ANKS1B: variants seen among roughly 807,000 people sequenced by gnomAD.
ANKS1B encodes ankyrin repeat and sterile alpha motif domain-containing protein 1B.
Under a neutral mutation model 148.3 loss-of-function variants are expected in ANKS1B, and 36 were observed. The observed-to-expected ratio is 0.24, with a 90% confidence interval of 0.19 to 0.32. The LOEUF is 0.32. Ranked by LOEUF, ANKS1B falls within the 10% of genes least tolerant of loss-of-function variation. The pLI is 1.00. For missense variants in ANKS1B, 1,157 were observed against 1,542.6 expected (o/e 0.75, Z 4.19); for synonymous variants, 542 against 560.8 (o/e 0.97, Z 0.47).
chr12:99,342,076 G>A (rs1298805705), intron 12 of ANKS1B, among the ~76,000 whole-genome samples: 1 of 152,014 alleles, frequency 6.6e-6, no homozygotes, highest in African/African-American at 2.4e-5. Context: ...CTCTTCTAGA[G>A]ACCTAGGAAT....
Position 98,894,637 on chromosome 12 carries a change from G to A in ANKS1B, c.2779-62501C>T, listed in dbSNP as rs1465502801. On this transcript the variant is annotated intron_variant, in intron 17 of 26. Coordinates refer to ENST00000683438, the MANE Select transcript of ANKS1B (RefSeq NM_001352186.2). The stretch of plus-strand genomic sequence containing the variant: ...CGCTGTGCCGCTACTCACCCGAGCC[G>A]CTCGGGCTGGCCGCGAGCCGGGATC... The A allele has an allele frequency of 1.8e-5, 18 of 985,092 alleles. No homozygotes were observed. The East Asian group carries it at 1.1e-3, about 63-fold the overall frequency. 61.0% of individuals were successfully genotyped at this position (985,092 alleles called of 1,614,324 possible).
chr12:99,859,241 G>A (rs1259505186), intron 1 of ANKS1B, among the ~76,000 whole-genome samples: 2 of 152,228 alleles, frequency 1.3e-5, no homozygotes, highest in East Asian at 3.8e-4. Flanking sequence ...GGCTGTTGCA[G>A]AGTTATATGT....
intron 9 of ANKS1B, among the ~76,000 whole-genome samples, chr12:99,519,248 G>A (rs978781025): frequency 3.3e-5 from 5 of 152,070 alleles, no homozygotes; most frequent in African/African-American, 9.7e-5. Context: ...TTGATGTATA[G>A]TATAGATTAA....
intron 1 of ANKS1B, among the ~76,000 whole-genome samples, chr12:99,961,734 T>C (rs1016115044): frequency 3.9e-5 from 6 of 152,144 alleles, no homozygotes; most frequent in Non-Finnish European, 7.3e-5. Context: ...GTGGAGAAAA[T>C]AGGTATCTAT....
At chr12:99,435,568 A>T (rs1429617967) in intron 11 of ANKS1B, among the ~76,000 whole-genome samples, 1 of 152,028 alleles carries the variant, frequency 6.6e-6, no homozygotes, top group Non-Finnish European at 1.5e-5. Flanking sequence ...AGGGCTTTAC[A>T]ATGTACACAG....
At position 99,629,330 on chromosome 12, in the gene ANKS1B, G is replaced by T. The variant is rs543755726; in HGVS notation, c.1272+25737C>A. Among the ~76,000 whole-genome samples, 46 of 152,188 alleles carry T rather than the reference G, an allele frequency of 3.0e-4. 1 individual carries two copies. In the South Asian group the frequency reaches 9.3e-3, roughly 31 times the overall value. On this transcript the variant is annotated intron_variant, in intron 9 of 26. Transcript: ENST00000683438. ...GTTAAAAGTTAATTCATACTGAATT[G>T]TATTCTTCAATATAATTATCTTCAC... is the stretch of plus-strand genomic sequence containing the variant.
At chr12:99,502,377 C>T (rs1028191645) in intron 10 of ANKS1B, among the ~76,000 whole-genome samples, 1 of 152,088 alleles carries the variant, frequency 6.6e-6, no homozygotes, top group Non-Finnish European at 1.5e-5. Context: ...TATTATTTGG[C>T]CTTCATCCAA....
intron 9 of ANKS1B, among the ~76,000 whole-genome samples, chr12:99,652,580 A>G (rs964979069): frequency 6.6e-6 from 1 of 152,210 alleles, no homozygotes; most frequent in Non-Finnish European, 1.5e-5. Flanking sequence ...CTGTATCTCA[A>G]GTACATTTAT....
intron 8 of ANKS1B, among the ~76,000 whole-genome samples, chr12:99,730,945 CT>C (rs1431074435): frequency 6.6e-6 from 1 of 151,888 alleles, no homozygotes; most frequent in African/African-American, 2.4e-5. Flanking sequence ...TGTTTGTTTG[CT>C]TGTTTTTGAG....
intron 4 of ANKS1B, among the ~76,000 whole-genome samples, chr12:99,785,426 CT>C (rs574738097): frequency 2.0e-4 from 30 of 148,556 alleles, no homozygotes; most frequent in South Asian, 8.6e-4. Context: ...TGTAAAAACT[CT>C]TTTTTTTTTC....
intron 1 of ANKS1B, among the ~76,000 whole-genome samples, chr12:99,983,545 C>T (rs1218914764): frequency 6.6e-6 from 1 of 152,168 alleles, no homozygotes; most frequent in African/African-American, 2.4e-5. Context: ...GGCTGCCTAA[C>T]CTGCCCCATC....
chr12:99,768,620 G>A (rs1239797485), intron 8 of ANKS1B, among the ~76,000 whole-genome samples: 1 of 152,018 alleles, frequency 6.6e-6, no homozygotes, highest in African/African-American at 2.4e-5. Flanking sequence ...AAGGTCGGGA[G>A]ATCGAGACCA....
intron 8 of ANKS1B, among the ~76,000 whole-genome samples, chr12:99,759,668 CAA>C (rs1264625237): frequency 6.6e-6 from 1 of 151,878 alleles, no homozygotes; most frequent in Non-Finnish European, 1.5e-5. Flanking sequence ...GGTCTTCACT[CAA>C]AAAGAGAGCC....
intron 8 of ANKS1B, among the ~76,000 whole-genome samples, chr12:99,669,763 C>T (rs2098527840): frequency 6.6e-6 from 1 of 152,028 alleles, no homozygotes; most frequent in Non-Finnish European, 1.5e-5. Flanking sequence ...TGGTATAGTA[C>T]CCTCTTTTCT....
intron 9 of ANKS1B, among the ~76,000 whole-genome samples, chr12:99,632,964 G>A (rs2098187830): frequency 8.5e-6 from 1 of 117,722 alleles, no homozygotes; most frequent in South Asian, 2.7e-4. Context: ...CTGTGTCCAA[G>A]TGTTCTCATT....
At chr12:99,221,175 T>C (rs907048339) in intron 14 of ANKS1B, among the ~76,000 whole-genome samples, 21 of 151,832 alleles carry the variant, frequency 1.4e-4, no homozygotes, top group African/African-American at 5.1e-4. Context: ...CTGTCTCTAC[T>C]AAAAATACAA....
At chr12:99,273,762 T>A (rs1182400907) in intron 12 of ANKS1B, among the ~76,000 whole-genome samples, 4 of 151,756 alleles carry the variant, frequency 2.6e-5, no homozygotes, top group Non-Finnish European at 5.9e-5. Flanking sequence ...ATTTTTTGTA[T>A]TTTTAGTAGA....
intron 9 of ANKS1B, among the ~76,000 whole-genome samples, chr12:99,516,221 T>C (rs186769843): frequency 6.6e-6 from 1 of 152,274 alleles, no homozygotes; most frequent in African/African-American, 2.4e-5. Flanking sequence ...CAAAAACTTT[T>C]TGCCCAGACC....
intron 14 of ANKS1B, among the ~76,000 whole-genome samples, chr12:99,175,089 T>C (rs1006167262): frequency 6.6e-6 from 1 of 150,646 alleles, no homozygotes; most frequent in Non-Finnish European, 1.5e-5. Flanking sequence ...AACATTGACA[T>C]GGATTTGAAT....
Sources: gnomAD v4.1 joint callset for allele counts (sites outside exome capture counted in the v4.1 genomes callset) on GRCh38, gnomAD v4.1.1 for gene constraint, MANE v1.5 for transcripts, NCBI Gene and HGNC (gene_info 2026-07-23, HGNC 2026-07-21) for gene names.